CACNA1D: variants seen among roughly 807,000 people sequenced by gnomAD.
The protein encoded by CACNA1D is voltage-dependent L-type calcium channel subunit alpha-1D.
A neutral mutation model predicts 257.1 loss-of-function variants in CACNA1D; 55 were observed. That is an observed-to-expected ratio of 0.21 (90% CI 0.17 to 0.27). The LOEUF (loss-of-function observed/expected upper bound fraction) is 0.27. Among genes scored for constraint, CACNA1D ranks in the 10% least tolerant of loss-of-function variants. CACNA1D has a pLI of 1.00. For missense variants in CACNA1D, 1,876 were observed against 2,784.0 expected, an observed-to-expected ratio of 0.67 and a Z score of 7.34; for synonymous variants, 980 against 1,014.9, an observed-to-expected ratio of 0.97 and a Z score of 0.65.
chr3:53,560,034 G>T (rs2092710273), intron 3 of CACNA1D, among the ~76,000 whole-genome samples: 1 of 148,066 alleles, frequency 6.8e-6, no homozygotes, highest in Admixed American at 6.7e-5. Context: ...AAGCAATACA[G>T]ATAATTTCTC....
intron 37 of CACNA1D, among the ~76,000 whole-genome samples, chr3:53,778,028 C>G (rs1409093543): frequency 6.6e-6 from 1 of 152,178 alleles, no homozygotes; most frequent in Non-Finnish European, 1.5e-5. Context: ...CAGCTCTAGA[C>G]AGAAACCAAG....
At chr3:53,505,120 T>TG (rs1297598868) in intron 3 of CACNA1D, among the ~76,000 whole-genome samples, 19 of 145,656 alleles carry the variant, frequency 1.3e-4, no homozygotes, top group East Asian at 4.0e-4. Flanking sequence ...TATTTGTTTT[T>TG]TTTTTTTTTT....
At chr3:53,719,925 A>G in intron 11 of CACNA1D, 144 bp downstream of exon 11, 2 of 837,736 alleles carry the variant, frequency 2.4e-6, no homozygotes. Context: ...CAGTCAATTG[A>G]ATCCTATGAG....
At chr3:53,633,994 A>G (rs2093852403) in intron 3 of CACNA1D, among the ~76,000 whole-genome samples, 1 of 152,240 alleles carries the variant, frequency 6.6e-6, no homozygotes, top group Non-Finnish European at 1.5e-5. Context: ...TAATAAACCT[A>G]GACATTTAGA....
At chr3:53,640,661 G>C (rs1410105444) in intron 3 of CACNA1D, among the ~76,000 whole-genome samples, 2 of 152,190 alleles carry the variant, frequency 1.3e-5, no homozygotes, top group Admixed American at 1.3e-4. Flanking sequence ...TACTTGGTTG[G>C]TGCTCAATTG....
intron 3 of CACNA1D, among the ~76,000 whole-genome samples, chr3:53,627,124 C>T (rs113883377): frequency 5.9e-5 from 9 of 152,222 alleles, no homozygotes; most frequent in African/African-American, 1.4e-4. Flanking sequence ...CAGGCATCTA[C>T]GTGCAGATTC....
intron 32 of CACNA1D, among the ~76,000 whole-genome samples, chr3:53,772,228 A>C (rs2095370226): frequency 6.6e-6 from 1 of 152,004 alleles, no homozygotes. Context: ...CAGCCCCCCA[A>C]CTTAGCAGTT....
intron 3 of CACNA1D, among the ~76,000 whole-genome samples, chr3:53,516,400 T>C (rs546663374): frequency 2.6e-5 from 4 of 152,352 alleles, no homozygotes; most frequent in Middle Eastern, 3.4e-3. Flanking sequence ...CCACGGAGGT[T>C]GGAAAGAGGA....
chr3:53,574,990 G>A (rs2107710727), intron 3 of CACNA1D, among the ~76,000 whole-genome samples: 1 of 152,346 alleles, frequency 6.6e-6, no homozygotes, highest in Middle Eastern at 3.4e-3. Flanking sequence ...GAGGTCTTGA[G>A]ACAGGGGCGC....
In CACNA1D at chr3:53,585,438, A is replaced by T. The variant is rs564021192; in HGVS notation, c.484-65341A>T. Among the ~76,000 whole-genome samples, 3 of 152,342 alleles carry T rather than the reference A, an allele frequency of 2.0e-5. No homozygotes were observed. The East Asian group carries it at 5.8e-4, about 29-fold the overall frequency. On this transcript the variant is annotated intron_variant, in intron 3 of 47. Coordinates refer to ENST00000350061, the MANE Select transcript of CACNA1D (RefSeq NM_001128840.3). ...TTAGAAAACTTTTTTTGACCAAAAAATAAAATAACCACCAACAAAAAACCC... is the reference window on the plus strand; with the variant it reads ...TTAGAAAACTTTTTTTGACCAAAAATTAAAATAACCACCAACAAAAAACCC...
intron 8 of CACNA1D, among the ~76,000 whole-genome samples, chr3:53,674,212 C>T (rs2094352114): frequency 6.6e-6 from 1 of 152,186 alleles, no homozygotes; most frequent in South Asian, 2.1e-4. Context: ...AACCTGGCCC[C>T]TTTAGGTCAC....
chr3:53,724,683 T>C (rs2094914397), intron 14 of CACNA1D, among the ~76,000 whole-genome samples: 1 of 152,204 alleles, frequency 6.6e-6, no homozygotes, highest in South Asian at 2.1e-4. Context: ...TGGGGAAGTT[T>C]AAAAGACCCA....
In CACNA1D at chr3:53,801,271, A is replaced by G; in HGVS notation, c.5254A>G (p.Thr1752Ala). Residue 1752 changes from threonine (T) to alanine (A), a missense_variant, in exon 42 of 48, where the codon ACC becomes GCC. By Grantham distance (58) the Thr-to-Ala change is moderately conservative. Coordinates refer to ENST00000350061, the MANE Select transcript of CACNA1D (RefSeq NM_001128840.3). ...NHNSIGKQVP[T>A]STNANLNNAN... ...TAATTCCATAGGAAAGCAAGTTCCC[A>G]CCTCAACAAATGCCAATCTCAATAA... The G allele has an allele frequency of 1.2e-6, 2 of 1,614,094 alleles. No individual in the cohort carries two copies. The highest frequency in any genetic ancestry group is 2.2e-5 in the East Asian group (1 of 44,886).
rs114172044 is a variant in CACNA1D at position 53,532,018 on chromosome 3, G to A, written c.483+30298G>A. Among the ~76,000 whole-genome samples the A allele has an allele frequency of 7.5e-3, 1,137 of 152,236 alleles. 7 individuals are homozygous for A. The highest frequency in any genetic ancestry group is 0.025 in the African/African-American group (1,038 of 41,516). On this transcript the variant is annotated intron_variant, in intron 3 of 47. Transcript: ENST00000350061. ...TGCATATCATAGATACTCAGTAAGC[G>A]CTCTCCCAAAGGATTACTGACTTAA...
intron 3 of CACNA1D, among the ~76,000 whole-genome samples, chr3:53,580,892 A>G (rs541905920): frequency 6.6e-6 from 1 of 152,342 alleles, no homozygotes; most frequent in East Asian, 1.9e-4. Context: ...CAGTTGGCAT[A>G]CAATGGCCAT....
chr3:53,580,866 C>T (rs2093121285), intron 3 of CACNA1D, among the ~76,000 whole-genome samples: 1 of 152,220 alleles, frequency 6.6e-6, no homozygotes, highest in Non-Finnish European at 1.5e-5. Context: ...TGCATACACA[C>T]ACTCACTCAA....
chr3:53,732,058 C>A lies in CACNA1D; in HGVS notation c.2449C>A (p.Pro817Thr), dbSNP rs879906631. Reference sequence around the variant, plus strand: ...TAGAGAAGAGGATGAAGACAAGGACCCCTATCCGCCTTGCGATGTGCCAGG... The same window carrying A: ...TAGAGAAGAGGATGAAGACAAGGACACCTATCCGCCTTGCGATGTGCCAGG... ...DYREEDEDKD[P>T]YPPCDVPVGE... Residue 817 changes from proline to threonine, a missense_variant, in exon 18 of 48, where the codon CCC becomes ACC. Physicochemically the swap from Pro to Thr is conservative, Grantham distance 38. Coordinates refer to ENST00000350061, the MANE Select transcript of CACNA1D (RefSeq NM_001128840.3). 6.2e-7 allele frequency: 1 copy of A among 1,613,054 alleles called. No homozygotes were observed. Among genetic ancestry groups the A allele is most frequent in the Non-Finnish European group, 8.5e-7 (1 of 1,178,970 alleles).
intron 19 of CACNA1D, among the ~76,000 whole-genome samples, chr3:53,734,698 C>A (rs1222151597): frequency 6.6e-6 from 1 of 152,120 alleles, no homozygotes; most frequent in Non-Finnish European, 1.5e-5. Flanking sequence ...AACTCTCATG[C>A]CGGGCCATGA....
At chr3:53,573,632 T>G (rs1415821178) in intron 3 of CACNA1D, among the ~76,000 whole-genome samples, 1 of 152,232 alleles carries the variant, frequency 6.6e-6, no homozygotes, top group Non-Finnish European at 1.5e-5. Flanking sequence ...CCATTTATTG[T>G]CTGTCTCCCC....
Sources: gnomAD v4.1 joint callset for allele counts (sites outside exome capture counted in the v4.1 genomes callset) on GRCh38, gnomAD v4.1.1 for gene constraint, MANE v1.5 for transcripts, NCBI Gene and HGNC (gene_info 2026-07-23, HGNC 2026-07-21) for gene names.